The following POU6F2 variants were observed in gnomAD, a reference collection of about 807,000 sequenced individuals.
POU6F2 encodes POU class 6 homeobox 2, also known as POU domain, class 6, transcription factor 2.
POU6F2 carries 31 observed loss-of-function variants against 71.3 expected under a neutral mutation model. The ratio of observed to expected loss-of-function variants is 0.43; its 90% CI spans 0.33 to 0.59. The LOEUF is 0.59. Ranked by LOEUF, POU6F2 falls within the 20% of genes least tolerant of loss-of-function variation. POU6F2 has a pLI of 0.04. For synonymous variants in POU6F2, 347 were observed against 355.7 expected (o/e 0.98, Z 0.27); for missense variants, 783 against 856.8 (o/e 0.91, Z 1.07).
intron 5 of POU6F2, among the ~76,000 whole-genome samples, chr7:39,389,065 A>C (rs1449417253): frequency 1.3e-5 from 2 of 152,082 alleles, no homozygotes; most frequent in Admixed American, 1.3e-4. Flanking sequence ...GTCACAGAGA[A>C]ATATATCTGT....
At chr7:39,088,364 A>G (rs1408406255) in intron 2 of POU6F2, among the ~76,000 whole-genome samples, 1 of 152,176 alleles carries the variant, frequency 6.6e-6, no homozygotes, top group Non-Finnish European at 1.5e-5. Context: ...ATTCTAGTTT[A>G]CGTAACTGAC....
intron 2 of POU6F2, among the ~76,000 whole-genome samples, chr7:39,129,342 A>G (rs1296516611): frequency 6.6e-6 from 1 of 152,194 alleles, no homozygotes; most frequent in South Asian, 2.1e-4. Context: ...AGCATATAGT[A>G]GTTGCTCTAT....
intron 2 of POU6F2, among the ~76,000 whole-genome samples, chr7:39,178,438 GTATTA>G (rs898556374): frequency 3.9e-5 from 6 of 152,038 alleles, no homozygotes; most frequent in African/African-American, 1.4e-4. Context: ...TATTTTCTAA[GTATTA>G]TAACATTTTA....
intron 5 of POU6F2, chr7:39,404,725 C>A (rs542217523): frequency 6.6e-6 from 1 of 152,146 alleles, no homozygotes; most frequent in African/African-American, 2.4e-5. Context: ...AAATATTGTA[C>A]CAATGGGCAG....
At chr7:39,017,978 G>A (rs1263986774) in intron 1 of POU6F2, among the ~76,000 whole-genome samples, 2 of 151,392 alleles carry the variant, frequency 1.3e-5, no homozygotes, top group East Asian at 3.9e-4. Flanking sequence ...TTCTTTTTCC[G>A]GCCTTGCTGT....
intron 5 of POU6F2, among the ~76,000 whole-genome samples, chr7:39,357,743 A>G (rs1786289518): frequency 6.6e-6 from 1 of 152,228 alleles, no homozygotes; most frequent in African/African-American, 2.4e-5. Context: ...ATTCTTATAA[A>G]TGTATCATGT....
intron 4 of POU6F2, among the ~76,000 whole-genome samples, chr7:39,220,069 T>C (rs1264367407): frequency 6.6e-6 from 1 of 152,200 alleles, no homozygotes; most frequent in Non-Finnish European, 1.5e-5. Flanking sequence ...AGCCAAATAA[T>C]TGAGAGTGAA....
chr7:39,159,217 C>T (rs957330825), intron 2 of POU6F2, among the ~76,000 whole-genome samples: 1 of 151,948 alleles, frequency 6.6e-6, no homozygotes, highest in Non-Finnish European at 1.5e-5. Flanking sequence ...TTCAGATGCC[C>T]TCCTCCAGTG....
intron 2 of POU6F2, among the ~76,000 whole-genome samples, chr7:39,188,286 T>C (rs1388461960): frequency 6.6e-6 from 1 of 152,204 alleles, no homozygotes; most frequent in Non-Finnish European, 1.5e-5. Context: ...CACAAGTCAG[T>C]CAGATTCTAC....
chr7:39,084,889 C>T (rs1008113461), intron 1 of POU6F2, among the ~76,000 whole-genome samples: 12 of 152,086 alleles, frequency 7.9e-5, no homozygotes, highest in Non-Finnish European at 1.6e-4. Context: ...GCTCTCCTTT[C>T]CTTCTGCATC....
intron 7 of POU6F2, among the ~76,000 whole-genome samples, chr7:39,446,396 A>G (rs1338762293): frequency 6.6e-6 from 1 of 152,192 alleles, no homozygotes. Context: ...CACTTTTCCA[A>G]CTTGCCTAGT....
chr7:39,026,174 T>G (rs950928405), intron 1 of POU6F2, among the ~76,000 whole-genome samples: 9 of 151,598 alleles, frequency 5.9e-5, no homozygotes, highest in Non-Finnish European at 8.8e-5. Context: ...AGTTCAACCA[T>G]TGTGGAAGTC....
intron 3 of POU6F2, among the ~76,000 whole-genome samples, chr7:39,206,924 G>C (rs933236771): frequency 4.6e-5 from 7 of 152,054 alleles, no homozygotes; most frequent in South Asian, 2.1e-4. Context: ...CTGCATAATG[G>C]TGTCAATACA....
chr7:39,015,506 AT>A (rs773846077), intron 1 of POU6F2, among the ~76,000 whole-genome samples: 29,186 of 109,822 alleles, frequency 0.27, 4,818 homozygotes, highest in East Asian at 0.42. Context: ...ATTATATATT[AT>A]TATATATATA....
chr7:39,167,792 A>G (rs1280187017), intron 2 of POU6F2, among the ~76,000 whole-genome samples: 1 of 151,768 alleles, frequency 6.6e-6, no homozygotes, highest in Non-Finnish European at 1.5e-5. Flanking sequence ...TATTATATAT[A>G]TAGATATATT....
chr7:39,219,775 G>A (rs1428238342), intron 4 of POU6F2, among the ~76,000 whole-genome samples: 4 of 152,170 alleles, frequency 2.6e-5, no homozygotes, highest in East Asian at 1.9e-4. Context: ...TAGGATTAGC[G>A]CAAATATACA....
chr7:39,026,358 T>C lies in POU6F2; in HGVS notation c.105+48300T>C, dbSNP rs374050606. ...AAGACTTGGAACCAACCCAAATGTCTAACAATGATAGACTGGATTAAGAAA... is the reference window on the plus strand; with the variant it reads ...AAGACTTGGAACCAACCCAAATGTCCAACAATGATAGACTGGATTAAGAAA... On this transcript the variant is annotated intron_variant, in intron 1 of 9. Coordinates refer to ENST00000518318, the MANE Select transcript of POU6F2 (RefSeq NM_001370959.1). 2.0e-3 allele frequency among the ~76,000 whole-genome samples: 305 copies of C among 151,634 alleles called. 1 individual carries two copies. The highest frequency in any genetic ancestry group is 6.9e-3 in the African/African-American group (287 of 41,456).
chr7:39,085,820 C>A, intron 1 of POU6F2, 40 bp from the exon 2 acceptor site: 1 of 1,556,286 alleles, frequency 6.4e-7, no homozygotes, highest in Non-Finnish European at 8.8e-7. Context: ...AAATCTGCCA[C>A]TTTTTTTTTC....
chr7:39,249,078 A>G (rs1032453550), intron 4 of POU6F2, among the ~76,000 whole-genome samples: 1 of 152,092 alleles, frequency 6.6e-6, no homozygotes, highest in Non-Finnish European at 1.5e-5. Flanking sequence ...TCCATATTCC[A>G]CCCATCCATG....
Sources: gnomAD v4.1 joint callset for allele counts (sites outside exome capture counted in the v4.1 genomes callset) on GRCh38, gnomAD v4.1.1 for gene constraint, MANE v1.5 for transcripts, NCBI Gene and HGNC (gene_info 2026-07-23, HGNC 2026-07-21) for gene names.